CEP162: variants seen among roughly 807,000 people sequenced by gnomAD.
CEP162 encodes centrosomal protein 162, also known as centrosomal protein of 162 kDa.
CEP162 carries 141 observed loss-of-function variants against 169.2 expected under a neutral mutation model. The observed-to-expected ratio is 0.83, with a 90% CI of 0.73 to 0.96. CEP162 has a LOEUF of 0.96. Among genes scored for constraint, CEP162 ranks in the 40% least tolerant of loss-of-function variants. The pLI is 0.00. For missense variants in CEP162, 1,600 were observed against 1,587.2 expected (o/e 1.01, Z -0.14); for synonymous variants, 540 against 526.4 (o/e 1.03, Z -0.35).
chr6:84,137,853 GC>G (rs2099514819), intron 25 of CEP162, among the ~76,000 whole-genome samples: 1 of 152,136 alleles, frequency 6.6e-6, no homozygotes, highest in Admixed American at 6.6e-5. Flanking sequence ...AAAAATACAT[GC>G]CTGAGTTAGC....
intron 12 of CEP162, among the ~76,000 whole-genome samples, chr6:84,186,094 G>A (rs1228404153): frequency 6.6e-6 from 1 of 151,910 alleles, no homozygotes; most frequent in African/African-American, 2.4e-5. Context: ...TCAAAAAAAG[G>A]AAAAAATGTA....
chr6:84,216,004 T>C (rs1269135535), intron 3 of CEP162, 82 bp from the exon 4 acceptor site: 8 of 1,419,804 alleles, frequency 5.6e-6, no homozygotes, highest in Non-Finnish European at 7.3e-6. Context: ...AATAATGTTA[T>C]GCTAATTTTG....
At chr6:84,205,698 T>C (rs1437148968) in intron 6 of CEP162, among the ~76,000 whole-genome samples, 1 of 151,980 alleles carries the variant, frequency 6.6e-6, no homozygotes, top group Non-Finnish European at 1.5e-5. Flanking sequence ...CTATTCAACA[T>C]AGTGTTGGAA....
At chr6:84,178,116 T>C (rs1303316531) in intron 13 of CEP162, among the ~76,000 whole-genome samples, 2 of 151,984 alleles carry the variant, frequency 1.3e-5, no homozygotes, top group Non-Finnish European at 2.9e-5. Context: ...GCCAAACTTT[T>C]TATTACATTT....
chr6:84,198,783 G>A (rs1403357047), intron 9 of CEP162, among the ~76,000 whole-genome samples: 2 of 152,026 alleles, frequency 1.3e-5, no homozygotes, highest in African/African-American at 4.8e-5. Flanking sequence ...TATTATCTCA[G>A]TTGACCATCA....
intron 6 of CEP162, 57 bp downstream of exon 6, chr6:84,212,900 T>C: frequency 9.7e-7 from 1 of 1,033,972 alleles, no homozygotes; most frequent in Non-Finnish European, 1.4e-6. Context: ...TTAATGTCTT[T>C]ATTAAAAGCT....
intron 26 of CEP162, among the ~76,000 whole-genome samples, 198 bp downstream of exon 26, chr6:84,126,180 G>A (rs1213084420): frequency 6.6e-6 from 1 of 151,900 alleles, no homozygotes; most frequent in Admixed American, 6.6e-5. Flanking sequence ...CAGATATAAG[G>A]ATACCAATCT....
Position 84,173,961 on chromosome 6 carries a change from A to C in CEP162, c.2166+87T>G. The C allele has an allele frequency of 4.5e-6, 5 of 1,101,062 alleles. No individual in the cohort carries two copies. In the South Asian group the frequency reaches 7.8e-5, roughly 17 times the overall value. The allele number at this position is 1,101,062 out of a possible 1,614,324, so 68.2% of individuals were successfully genotyped here. A position where few individuals can be genotyped will look rare whatever the true frequency, so the allele number is the denominator to read the frequency against. On this transcript the variant is annotated intron_variant, in intron 16 of 26. Transcript: ENST00000403245. ...CATCCTCCCAAAGTGCTGGGATTAC[A>C]GGCATAAGCCACTGTGCCTGGCCTG...
At chr6:84,198,127 T>A (rs575517509) in intron 9 of CEP162, among the ~76,000 whole-genome samples, 2 of 152,298 alleles carry the variant, frequency 1.3e-5, no homozygotes, top group South Asian at 4.1e-4. Context: ...AGTTAGCCAA[T>A]GTTTGAAAAT....
intron 25 of CEP162, among the ~76,000 whole-genome samples, chr6:84,142,974 A>T (rs1397099168): frequency 1.3e-5 from 2 of 152,116 alleles, no homozygotes; most frequent in African/African-American, 4.8e-5. Flanking sequence ...ATAATTGTTA[A>T]TAACAAGTAC....
At chr6:84,183,686 ACAT>A (rs1235823620) in intron 13 of CEP162, among the ~76,000 whole-genome samples, 2 of 152,096 alleles carry the variant, frequency 1.3e-5, no homozygotes, top group African/African-American at 4.8e-5. Context: ...ACTTTTACAC[ACAT>A]CATCAGCTTC....
rs1017869528 is a variant in CEP162 at position 84,183,162 on chromosome 6, T to A, written c.1663+2025A>T. 3.3e-5 allele frequency among the ~76,000 whole-genome samples: 5 copies of A among 152,174 alleles called. No homozygotes were observed. In the East Asian group the frequency reaches 7.7e-4, roughly 23 times the overall value. On this transcript the variant is annotated intron_variant, in intron 13 of 26. Transcript: ENST00000403245. ...TAAATTTTAATAATGTGTTTTTTTT[T>A]ATTTTGGATGTCACAAATGCTATAC... is the stretch of plus-strand genomic sequence containing the variant.
intron 13 of CEP162, among the ~76,000 whole-genome samples, chr6:84,180,157 G>C (rs2099534153): frequency 1.3e-5 from 2 of 152,042 alleles, no homozygotes; most frequent in African/African-American, 4.8e-5. Flanking sequence ...TGATCAGGTG[G>C]GCTTCATCCC....
Position 84,144,287 on chromosome 6 carries a change from C to T in CEP162, c.3870+2400G>A, listed in dbSNP as rs570151016. ...TCTTTGAGTTATTTTTGTATGGATACGTTATTAACAAATGTTCCAGAAGTT... is the reference window on the plus strand; with the variant it reads ...TCTTTGAGTTATTTTTGTATGGATATGTTATTAACAAATGTTCCAGAAGTT... On this transcript the variant is annotated intron_variant, in intron 25 of 26. Coordinates refer to ENST00000403245, the MANE Select transcript of CEP162 (RefSeq NM_014895.4). 8.7e-4 allele frequency among the ~76,000 whole-genome samples: 132 copies of T among 151,966 alleles called. 1 individual carries two copies. Among genetic ancestry groups the T allele is most frequent in the Admixed American group, 7.7e-3 (118 of 15,234 alleles).
chr6:84,161,065 C>T lies in CEP162; in HGVS notation c.2677-149G>A, dbSNP rs1178134784. ...ATTCCTCAAATTCTTTGAGCTCCTC[C>T]CAAGTTCCAGGCACTTCCTAGATCT... On this transcript the variant is annotated intron_variant, in intron 20 of 26. Transcript: ENST00000403245. The T allele has an allele frequency of 7.1e-5, 44 of 623,776 alleles. 1 individual carries two copies. The East Asian group carries it at 1.2e-3, about 17-fold the overall frequency. The allele number at this position is 623,776 out of a possible 1,614,324, so 38.6% of individuals were successfully genotyped here.
At chr6:84,226,217 G>A (rs1160235670) in intron 2 of CEP162, 120 bp downstream of exon 2, 9 of 694,512 alleles carry the variant, frequency 1.3e-5, no homozygotes, top group Non-Finnish European at 2.3e-5. Flanking sequence ...GACAGGGCTA[G>A]AGGGATGATG....
chr6:84,146,252 C>T (rs369396653), intron 25 of CEP162, among the ~76,000 whole-genome samples: 82 of 152,176 alleles, frequency 5.4e-4, no homozygotes, highest in African/African-American at 1.9e-3. Flanking sequence ...GTGTGCTGCA[C>T]GTATTAATAA....
intron 11 of CEP162, among the ~76,000 whole-genome samples, chr6:84,187,674 G>A (rs2099537796): frequency 6.6e-6 from 1 of 152,156 alleles, no homozygotes; most frequent in African/African-American, 2.4e-5. Context: ...AGGATGGCAG[G>A]AAACTGATAA....
chr6:84,209,375 T>TC (rs2099548562), intron 6 of CEP162, among the ~76,000 whole-genome samples: 1 of 124,158 alleles, frequency 8.1e-6, no homozygotes. Flanking sequence ...TATAGCTACT[T>TC]TTTTTTTTTT....
Sources: gnomAD v4.1 joint callset for allele counts (sites outside exome capture counted in the v4.1 genomes callset) on GRCh38, gnomAD v4.1.1 for gene constraint, MANE v1.5 for transcripts, NCBI Gene and HGNC (gene_info 2026-07-23, HGNC 2026-07-21) for gene names.